The following SH2D4B variants were observed in gnomAD, a reference collection of about 807,000 sequenced individuals.
The protein encoded by SH2D4B is SH2 domain containing 4B.
Under a neutral mutation model 61.5 loss-of-function variants are expected in SH2D4B, and 45 were observed. The ratio of observed to expected loss-of-function variants is 0.73; its 90% CI spans 0.58 to 0.94. The LOEUF (loss-of-function observed/expected upper bound fraction) is 0.94, where lower values mean the gene tolerates loss of function less well. Among genes scored for constraint, SH2D4B ranks in the 40% least tolerant of loss-of-function variants. The probability of loss-of-function intolerance (pLI) is 0.00; values close to 1 mark genes in which losing one functional copy is unlikely to be tolerated. For synonymous variants in SH2D4B, 224 were observed against 220.4 expected (o/e 1.02, Z -0.14); for missense variants, 572 against 574.2 (o/e 1.00, Z 0.04).
chr10:80,542,576 A>C (rs1310137233), intron 1 of SH2D4B, among the ~76,000 whole-genome samples: 1 of 151,432 alleles, frequency 6.6e-6, no homozygotes, highest in Admixed American at 6.6e-5. Context: ...TTTTGTATTT[A>C]ATAGAGACAT....
chr10:80,570,042 G>A (rs1004516657), intron 1 of SH2D4B, 112 bp from the exon 2 acceptor site: 2 of 1,306,940 alleles, frequency 1.5e-6, no homozygotes, highest in African/African-American at 1.5e-5. Context: ...TCTTTTTGTG[G>A]ATGACAATGT....
intron 1 of SH2D4B, among the ~76,000 whole-genome samples, chr10:80,552,463 T>C (rs1019524802): frequency 6.6e-6 from 1 of 152,172 alleles, no homozygotes; most frequent in African/African-American, 2.4e-5. Context: ...TGTCCCCTCA[T>C]TTCAGGATGC....
At chr10:80,555,695 G>A (rs1841825243) in intron 1 of SH2D4B, among the ~76,000 whole-genome samples, 1 of 152,186 alleles carries the variant, frequency 6.6e-6, no homozygotes. Flanking sequence ...GTCCTAGTCG[G>A]CCTGAAGCTT....
chr10:80,623,785 GCATGC>G (rs763622412), intron 6 of SH2D4B, among the ~76,000 whole-genome samples: 8 of 152,170 alleles, frequency 5.3e-5, no homozygotes, highest in Non-Finnish European at 1.2e-4. Flanking sequence ...GCCATTAGAT[GCATGC>G]TGTGTGTGGC....
At chr10:80,604,209 G>A (rs1007258981) in intron 5 of SH2D4B, among the ~76,000 whole-genome samples, 5 of 152,192 alleles carry the variant, frequency 3.3e-5, no homozygotes, top group Admixed American at 2.6e-4. Context: ...GCTGCCTGTC[G>A]GAGCCCCAGG....
chr10:80,610,556 T>G (rs978026289), intron 6 of SH2D4B, among the ~76,000 whole-genome samples: 4 of 152,192 alleles, frequency 2.6e-5, no homozygotes, highest in African/African-American at 9.7e-5. Context: ...GTCTTAATGC[T>G]TGGTGAGGTC....
rs546584817 is a variant in SH2D4B, at chr10:80,637,534, C to A, written c.1209+3029C>A. Reference sequence around the variant, plus strand: ...AAATTGGATTCCTAGATATTTTATTCTCTTTGTACCAATTATGAATGGGAG... The same window carrying A: ...AAATTGGATTCCTAGATATTTTATTATCTTTGTACCAATTATGAATGGGAG... On this transcript the variant is annotated intron_variant, in intron 7 of 7. Transcript: ENST00000646907. Among the ~76,000 whole-genome samples, 6 of 152,236 alleles carry A rather than the reference C, an allele frequency of 3.9e-5. No homozygotes were observed. The South Asian group carries it at 1.2e-3, about 32-fold the overall frequency.
At chr10:80,587,146 GT>G (rs1564775919) in intron 3 of SH2D4B, among the ~76,000 whole-genome samples, 5 of 86,170 alleles carry the variant, frequency 5.8e-5, no homozygotes, top group Non-Finnish European at 2.0e-5. Flanking sequence ...TTTTTTTTTT[GT>G]TTTGTTTTTT....
chr10:80,580,838 G>A (rs1842178225), intron 3 of SH2D4B, among the ~76,000 whole-genome samples: 1 of 152,162 alleles, frequency 6.6e-6, no homozygotes, highest in South Asian at 2.1e-4. Flanking sequence ...CAGCTCAGAG[G>A]GCTTTGGGCA....
intron 3 of SH2D4B, among the ~76,000 whole-genome samples, chr10:80,577,165 A>G (rs894648615): frequency 1.3e-5 from 2 of 152,144 alleles, no homozygotes; most frequent in African/African-American, 4.8e-5. Flanking sequence ...AAGAATCCCT[A>G]CTACCCTACA....
At chr10:80,555,658 G>A (rs2132109257) in intron 1 of SH2D4B, among the ~76,000 whole-genome samples, 1 of 152,318 alleles carries the variant, frequency 6.6e-6, no homozygotes, top group South Asian at 2.1e-4. Flanking sequence ...TGGGGAAATT[G>A]CTAATATCTC....
intron 7 of SH2D4B, among the ~76,000 whole-genome samples, chr10:80,638,485 T>G (rs1349818976): frequency 6.6e-6 from 1 of 152,124 alleles, no homozygotes; most frequent in East Asian, 1.9e-4. Context: ...GTCTATTCAG[T>G]GATTCAACTT....
intron 1 of SH2D4B, among the ~76,000 whole-genome samples, chr10:80,569,311 A>G (rs1462127315): frequency 6.6e-6 from 1 of 152,140 alleles, no homozygotes; most frequent in Non-Finnish European, 1.5e-5. Context: ...GAGTGACACA[A>G]GTTTCTTCCT....
At chr10:80,555,285 C>G (rs539366081) in intron 1 of SH2D4B, among the ~76,000 whole-genome samples, 41 of 152,212 alleles carry the variant, frequency 2.7e-4, no homozygotes, top group Non-Finnish European at 4.7e-4. Flanking sequence ...AGAACAAGAA[C>G]AGCAAGTACG....
chr10:80,611,442 T>C (rs1311124927), intron 6 of SH2D4B, among the ~76,000 whole-genome samples: 1 of 152,204 alleles, frequency 6.6e-6, no homozygotes, highest in Non-Finnish European at 1.5e-5. Flanking sequence ...AAGGTTGGAC[T>C]GGCTCTTTAG....
At chr10:80,540,868 C>A in intron 1 of SH2D4B, 1 of 1,551,570 alleles carries the variant, frequency 6.4e-7, no homozygotes, top group Non-Finnish European at 8.7e-7. Flanking sequence ...GGACGGGCTC[C>A]ACGGAGGAAT....
chr10:80,551,306 G>T (rs553340818), intron 1 of SH2D4B, among the ~76,000 whole-genome samples: 1 of 151,966 alleles, frequency 6.6e-6, no homozygotes, highest in South Asian at 2.1e-4. Flanking sequence ...TGCCTGCCTC[G>T]GCCTCCCAAA....
intron 4 of SH2D4B, among the ~76,000 whole-genome samples, chr10:80,589,034 T>C (rs562108862): frequency 6.6e-6 from 1 of 152,052 alleles, no homozygotes; most frequent in African/African-American, 2.4e-5. Flanking sequence ...GACGAAGTCT[T>C]GCTCTGTCGC....
At chr10:80,636,607 T>C (rs986066490) in intron 7 of SH2D4B, among the ~76,000 whole-genome samples, 1 of 152,238 alleles carries the variant, frequency 6.6e-6, no homozygotes, top group South Asian at 2.1e-4. Flanking sequence ...TTTTGAGAAA[T>C]GTCTGTTCAT....
Sources: gnomAD v4.1 joint callset for allele counts (sites outside exome capture counted in the v4.1 genomes callset) on GRCh38, gnomAD v4.1.1 for gene constraint, MANE v1.5 for transcripts, NCBI Gene and HGNC (gene_info 2026-07-23, HGNC 2026-07-21) for gene names.